Variants in CHD2 observed in about 807,000 individuals in gnomAD.
CHD2 encodes the protein ATP-dependent chromatin remodeler CHD2.
A neutral mutation model predicts 243.9 loss-of-function variants in CHD2; 28 were observed. The observed-to-expected ratio is 0.11, with a 90% CI of 0.09 to 0.16. The LOEUF is 0.16. Ranked by LOEUF, CHD2 falls within the 10% of genes least tolerant of loss-of-function variation. CHD2 has a pLI of 1.00. For synonymous variants in CHD2, 775 were observed against 779.0 expected, an observed-to-expected ratio of 0.99 and a Z score of 0.09; for missense variants, 1,386 against 2,209.8, an observed-to-expected ratio of 0.63 and a Z score of 7.47.
chr15:92,946,238 G>GT, intron 12 of CHD2, 22 bp downstream of exon 12: 3 of 1,584,212 alleles, frequency 1.9e-6, no homozygotes. Flanking sequence ...GTTGGCTTTT[G>GT]TTTTTTCAGG....
chr15:92,961,876 C>CTTTTTTTTTTTTTTTTTT lies in CHD2; in HGVS notation c.2000+5233_2000+5250dup, dbSNP rs3064790. ...GGTTTCTTCCTCTGTTTTTTCTTCT[C>CTTTTTTTTTTTTTTTTTT]TTTTTTTTTTTTTTTTTTTTTTTGA... is the stretch of plus-strand genomic sequence containing the variant. On this transcript the variant is annotated intron_variant, in intron 16 of 38. Coordinates refer to ENST00000394196, the MANE Select transcript of CHD2 (RefSeq NM_001271.4). Among the ~76,000 whole-genome samples the CTTTTTTTTTTTTTTTTTT allele has an allele frequency of 7.6e-5, 6 of 78,642 alleles. 1 individual carries two copies. Among genetic ancestry groups the CTTTTTTTTTTTTTTTTTT allele is most frequent in the African/African-American group, 1.4e-4 (3 of 20,726 alleles). The allele number at this position is 78,642 out of a possible 152,430, so 51.6% of individuals were successfully genotyped here.
At position 92,927,270 on chromosome 15, in the gene CHD2, T is replaced by C. The variant is rs2053081014; in HGVS notation, c.321T>C (p.Tyr107=). 1 of 1,613,732 alleles carries C rather than the reference T, an allele frequency of 6.2e-7. No individual in the cohort carries two copies. The highest frequency in any genetic ancestry group is 8.5e-7 in the Non-Finnish European group (1 of 1,179,686). Residue 107 remains tyrosine, a synonymous_variant, in exon 4 of 39, where the codon TAT becomes TAC. Transcript: ENST00000394196. ...TGTGGGAAGAATATCCTGATGTTTA[T>C]GGGGTCAGGCGGTCAAACCGAAGCA... The part of the protein sequence containing the change: ...KKMWEEYPDV[Y]GVRRSNRSRQ...
At chr15:92,943,132 A>G (rs1158595580) in intron 9 of CHD2, 64 bp downstream of exon 9, 9 of 1,284,718 alleles carry the variant, frequency 7.0e-6, no homozygotes, top group South Asian at 2.6e-5. Flanking sequence ...AGGTTTTAAA[A>G]TAATGCATGG....
chr15:92,943,105 C>T (rs777820132), intron 9 of CHD2, 37 bp downstream of exon 9: 7 of 1,510,392 alleles, frequency 4.6e-6, no homozygotes, highest in South Asian at 2.3e-5. Context: ...AATGTATTTG[C>T]AGCCTGAAAG....
intron 2 of CHD2, among the ~76,000 whole-genome samples, chr15:92,915,416 A>T (rs1199091417): frequency 2.0e-5 from 3 of 152,008 alleles, no homozygotes; most frequent in Admixed American, 2.0e-4. Flanking sequence ...CTGGGACTAC[A>T]GGCATGTGTC....
rs751119192 is a variant in CHD2, at chr15:92,900,432, A to G, written c.-464A>G. On this transcript the variant is annotated 5_prime_UTR_variant, in exon 1 of 39. Transcript: ENST00000394196. ...CTTTCCCTAACTTTCGGGCAGCCTC[A>G]GGGGGCCCCCGTAGCCCCCTGCCTT... is the stretch of plus-strand genomic sequence containing the variant. 31 of 395,766 alleles carry G rather than the reference A, an allele frequency of 7.8e-5. No homozygotes were observed. The highest frequency in any genetic ancestry group is 3.3e-4 in the African/African-American group (16 of 48,506). The allele number at this position is 395,766 out of a possible 1,614,324, so 24.5% of individuals were successfully genotyped here. A position where few individuals can be genotyped will look rare whatever the true frequency, so the allele number is the denominator to read the frequency against.
At chr15:93,003,592 T>C (rs1026647074) in intron 33 of CHD2, among the ~76,000 whole-genome samples, 7 of 151,018 alleles carry the variant, frequency 4.6e-5, no homozygotes, top group Non-Finnish European at 7.4e-5. Context: ...TTTTTTTTTT[T>C]GGCGGGGCCA....
At chr15:92,946,490 T>G (rs2141796432) in intron 12 of CHD2, 1 of 217,198 alleles carries the variant, frequency 4.6e-6, no homozygotes, top group African/African-American at 2.3e-5. Flanking sequence ...TTATTTTATT[T>G]TATTATTTTA....
intron 26 of CHD2, among the ~76,000 whole-genome samples, chr15:92,991,145 A>G (rs1288305137): frequency 6.6e-6 from 1 of 150,810 alleles, no homozygotes; most frequent in African/African-American, 2.4e-5. Context: ...TGAATCCTTT[A>G]TGACACAGTG....
At chr15:92,987,223 C>T (rs1237890362) in intron 26 of CHD2, among the ~76,000 whole-genome samples, 1 of 152,050 alleles carries the variant, frequency 6.6e-6, no homozygotes, top group Non-Finnish European at 1.5e-5. Flanking sequence ...TCTGTAGTAA[C>T]AATTTTTGTT....
rs765735931 is a variant in CHD2, at chr15:92,946,032, A to C, written c.1199-6A>C. 3 of 1,562,506 alleles carry C rather than the reference A, an allele frequency of 1.9e-6. No individual in the cohort carries two copies. Among genetic ancestry groups the C allele is most frequent in the Non-Finnish European group, 2.6e-6 (3 of 1,154,882 alleles). Reference sequence around the variant, plus strand: ...CTAATCTATAAATTTTTTTTATATGAAATAGCTCATAGTCGGAAGCCGGCA... The same window carrying C: ...CTAATCTATAAATTTTTTTTATATGCAATAGCTCATAGTCGGAAGCCGGCA... On this transcript the variant is annotated splice_region_variant and splice_polypyrimidine_tract_variant and intron_variant, in intron 11 of 38. Transcript: ENST00000394196.
chr15:92,992,787 A>G, intron 27 of CHD2, 72 bp from the exon 28 acceptor site: 1 of 1,566,864 alleles, frequency 6.4e-7, no homozygotes, highest in Non-Finnish European at 8.7e-7. Context: ...TGTGAGGCCT[A>G]GTGGCATCTC....
chr15:92,900,923 TAC>T (rs1187784534), intron 1 of CHD2, 99 bp downstream of exon 1: 1 of 428,106 alleles, frequency 2.3e-6, no homozygotes, highest in Non-Finnish European at 4.1e-6. Flanking sequence ...CGCAATAAGA[TAC>T]AGAGATTGTT....
At chr15:92,958,847 A>C (rs1328672968) in intron 16 of CHD2, among the ~76,000 whole-genome samples, 1 of 152,172 alleles carries the variant, frequency 6.6e-6, no homozygotes, top group East Asian at 1.9e-4. Flanking sequence ...GATTTTGCTC[A>C]ATATCCTCAT....
intron 2 of CHD2, among the ~76,000 whole-genome samples, chr15:92,905,579 C>T (rs1052613388): frequency 4.6e-5 from 7 of 152,096 alleles, no homozygotes; most frequent in Non-Finnish European, 8.8e-5. Flanking sequence ...GTGATATTTG[C>T]TTGGGCGTAT....
chr15:92,985,013 G>C (rs1032812018), intron 25 of CHD2, among the ~76,000 whole-genome samples: 1 of 152,182 alleles, frequency 6.6e-6, no homozygotes, highest in South Asian at 2.1e-4. Flanking sequence ...TACCCATTTT[G>C]TTGGAGGTAA....
At chr15:92,965,589 A>AC in intron 16 of CHD2, among the ~76,000 whole-genome samples, 1 of 133,888 alleles carries the variant, frequency 7.5e-6, no homozygotes, top group Non-Finnish European at 1.6e-5. Flanking sequence ...AAAAAAAAAA[A>AC]AAAAAACCAA....
chr15:92,960,938 G>T (rs1291022640), intron 16 of CHD2, among the ~76,000 whole-genome samples: 1 of 151,892 alleles, frequency 6.6e-6, no homozygotes, highest in African/African-American at 2.4e-5. Flanking sequence ...GGTTGGTCTC[G>T]AACTCCTGGC....
chr15:93,009,227 T>C lies in CHD2; in HGVS notation c.4496T>C (p.Leu1499Pro). ...PDKGLNVQEQ[L>P]EHTRNCLLKI... ...AAGGGGCTCAACGTGCAAGAACAGC[T>C]GGAACACACCCGGAACTGCCTGCTG... Residue 1499 changes from leucine to proline, a missense_variant, in exon 35 of 39, where the codon CTG becomes CCG. Leu to Pro is a moderately conservative substitution (Grantham distance 98). This residue lies in a region of CHD2 where 42 missense variants were observed against 47.6 expected (regional missense o/e 0.88). Coordinates refer to ENST00000394196, the MANE Select transcript of CHD2 (RefSeq NM_001271.4). 1 of 1,614,222 alleles carries C rather than the reference T, an allele frequency of 6.2e-7. No homozygotes were observed. Among genetic ancestry groups the C allele is most frequent in the Non-Finnish European group, 8.5e-7 (1 of 1,180,028 alleles).
Sources: gnomAD v4.1 joint callset for allele counts (sites outside exome capture counted in the v4.1 genomes callset) on GRCh38, gnomAD v4.1.1 for gene constraint, gnomAD v4.1.1 regional missense constraint, MANE v1.5 for transcripts, NCBI Gene and HGNC (gene_info 2026-07-23, HGNC 2026-07-21) for gene names.